Variants in TEX9 observed in about 807,000 individuals in gnomAD.
TEX9 encodes the protein testis-expressed protein 9.
A neutral mutation model predicts 59.6 loss-of-function variants in TEX9; 74 were observed. The observed-to-expected ratio is 1.24, with a 90% confidence interval of 1.03 to 1.51. The LOEUF (loss-of-function observed/expected upper bound fraction) is 1.51. TEX9 is among the 40% of genes most tolerant of loss of function. TEX9 has a pLI of 0.00. For missense variants in TEX9, 522 were observed against 447.8 expected (o/e 1.17, Z -1.49); for synonymous variants, 186 against 152.2 (o/e 1.22, Z -1.64).
At chr15:56,407,093 G>T (rs1198553677) in intron 9 of TEX9, among the ~76,000 whole-genome samples, 11 of 152,052 alleles carry the variant, frequency 7.2e-5, no homozygotes, top group Admixed American at 6.6e-4. Context: ...TTGTGTGTGT[G>T]TGTGTGTATC....
chr15:56,455,982 A>C, the TEX9 span, among the ~76,000 whole-genome samples: 1 of 152,216 alleles, frequency 6.6e-6, no homozygotes, highest in Non-Finnish European at 1.5e-5. Flanking sequence ...TTTAACATTA[A>C]GACTAAAGTT....
chr15:56,290,218 G>A (rs2718946), intron 1 of TEX9, among the ~76,000 whole-genome samples: 4,789 of 152,122 alleles, frequency 0.031, 186 homozygotes, highest in East Asian at 0.095. Context: ...CTGTTGGGGG[G>A]CAGAGGGGTG....
At chr15:56,321,982 C>G (rs1272389235) in intron 1 of TEX9, among the ~76,000 whole-genome samples, 5 of 151,880 alleles carry the variant, frequency 3.3e-5, no homozygotes, top group Admixed American at 1.3e-4. Flanking sequence ...GATCACACTG[C>G]TTTATATTTT....
chr15:56,254,547 C>T (rs2044099957), intron 1 of TEX9, among the ~76,000 whole-genome samples: 1 of 151,326 alleles, frequency 6.6e-6, no homozygotes, highest in Non-Finnish European at 1.5e-5. Context: ...CAGCAATATG[C>T]CCTTCCCTTC....
chr15:56,290,001 G>A (rs1226800659), intron 1 of TEX9, among the ~76,000 whole-genome samples: 1 of 152,170 alleles, frequency 6.6e-6, no homozygotes, highest in Non-Finnish European at 1.5e-5. Flanking sequence ...GGGAAGCAAG[G>A]GATTGGCTCT....
At chr15:56,386,086 T>C (rs937100653) in intron 4 of TEX9, among the ~76,000 whole-genome samples, 1 of 152,100 alleles carries the variant, frequency 6.6e-6, no homozygotes, top group Non-Finnish European at 1.5e-5. Flanking sequence ...CAAATTATGG[T>C]ATATCCATGC....
At chr15:56,459,858 T>C in the TEX9 span, among the ~76,000 whole-genome samples, 1 of 150,056 alleles carries the variant, frequency 6.7e-6, no homozygotes, top group African/African-American at 2.5e-5. Context: ...GGTGTGGTGG[T>C]GCATGCCTAT....
chr15:56,357,641 A>T lies in TEX9; in HGVS notation c.-106-15800A>T, dbSNP rs533861683. Among the ~76,000 whole-genome samples, 5 of 152,176 alleles carry T rather than the reference A, an allele frequency of 3.3e-5. No homozygotes were observed. The East Asian group carries it at 9.7e-4, about 29-fold the overall frequency. On this transcript the variant is annotated intron_variant, in intron 1 of 5. Coordinates refer to the TEX9 transcript ENST00000560827. ...TGTTCATTCTGAATAATTTTTTCAG[A>T]TATGTTATGGTTTACTAATTATCTG...
intron 9 of TEX9, among the ~76,000 whole-genome samples, chr15:56,403,933 A>G (rs1203664720): frequency 6.6e-6 from 1 of 152,262 alleles, no homozygotes; most frequent in East Asian, 1.9e-4. Context: ...AGCCATATGC[A>G]GACAGCTGAA....
At chr15:56,250,539 A>G (rs1444308356) in intron 1 of TEX9, among the ~76,000 whole-genome samples, 16 of 152,238 alleles carry the variant, frequency 1.1e-4, no homozygotes, top group African/African-American at 3.6e-4. Flanking sequence ...GAGTGTATTC[A>G]AGCTAGTCTG....
At chr15:56,443,613 G>A in intron 12 of TEX9, 1 of 1,603,560 alleles carries the variant, frequency 6.2e-7, no homozygotes, top group Non-Finnish European at 8.5e-7. Flanking sequence ...TTTTACTAGT[G>A]TTAAAGAAGT....
chr15:56,311,788 C>T (rs2045625093), intron 1 of TEX9, among the ~76,000 whole-genome samples: 1 of 147,186 alleles, frequency 6.8e-6, no homozygotes, highest in African/African-American at 2.5e-5. Context: ...TATTTCTCCA[C>T]ATCCTCTCCA....
In TEX9 at chr15:56,412,207, A is replaced by C. The variant is rs150225393; in HGVS notation, c.829-95A>C. On this transcript the variant is annotated intron_variant, in intron 9 of 12. Transcript: ENST00000352903. ...GTGTGTGTGTGTAAAGTTTGAGAGA[A>C]AGCAAGGAATATGGATATGGAAGAT... 1.2e-4 allele frequency: 147 copies of C among 1,198,514 alleles called. 1 individual carries two copies. The African/African-American group carries it at 2.1e-3, about 17-fold the overall frequency. 74.2% of individuals were successfully genotyped at this position (1,198,514 alleles called of 1,614,324 possible).
chr15:56,369,752 G>A (rs1350179696), intron 2 of TEX9, among the ~76,000 whole-genome samples: 2 of 152,170 alleles, frequency 1.3e-5, no homozygotes, highest in Admixed American at 6.5e-5. Flanking sequence ...GATAGAAAAT[G>A]TATTTATTAT....
chr15:56,270,624 G>C (rs2044505502), intron 1 of TEX9, among the ~76,000 whole-genome samples: 1 of 152,150 alleles, frequency 6.6e-6, no homozygotes, highest in African/African-American at 2.4e-5. Context: ...GGGGCATTTA[G>C]CCTATTTACA....
intron 1 of TEX9, among the ~76,000 whole-genome samples, chr15:56,304,990 A>G (rs1350766194): frequency 2.0e-5 from 3 of 152,230 alleles, no homozygotes; most frequent in Non-Finnish European, 4.4e-5. Flanking sequence ...ATATGCCAAC[A>G]GTGAACAATC....
intron 1 of TEX9, among the ~76,000 whole-genome samples, chr15:56,255,039 G>A (rs1476086285): frequency 1.3e-5 from 2 of 151,980 alleles, no homozygotes; most frequent in African/African-American, 4.8e-5. Flanking sequence ...GAGATGATTT[G>A]TCTAAATATG....
At chr15:56,377,170 A>G (rs2047498054) in intron 3 of TEX9, among the ~76,000 whole-genome samples, 2 of 152,082 alleles carry the variant, frequency 1.3e-5, no homozygotes, top group South Asian at 2.1e-4. Flanking sequence ...CCATAGTATA[A>G]TTTGAAGCCA....
At chr15:56,453,036 A>C in the TEX9 span, among the ~76,000 whole-genome samples, 1 of 152,148 alleles carries the variant, frequency 6.6e-6, no homozygotes, top group African/African-American at 2.4e-5. Context: ...TCTATTAGTC[A>C]GTTATATTTT....
Sources: allele counts gnomAD v4.1 joint callset (sites outside exome capture counted in the v4.1 genomes callset), GRCh38; gene constraint gnomAD v4.1.1; transcripts MANE v1.5; gene names NCBI Gene and HGNC (gene_info 2026-07-23, HGNC 2026-07-21).